Variants in SRPRA observed in about 807,000 individuals in gnomAD.
SRPRA encodes the protein SRP receptor subunit alpha.
SRPRA carries 30 observed loss-of-function variants against 61.1 expected under a neutral mutation model. That is an observed-to-expected ratio of 0.49 (90% CI 0.37 to 0.67). SRPRA has a LOEUF of 0.67. Ranked by LOEUF, SRPRA falls within the 30% of genes least tolerant of loss-of-function variation. SRPRA has a pLI of 0.00. For synonymous variants in SRPRA, 324 were observed against 299.7 expected (o/e 1.08, Z -0.84); for missense variants, 759 against 828.4 (o/e 0.92, Z 1.03).
Position 126,263,765 on chromosome 11 carries a change from G to T in SRPRA, c.*151C>A. 9.3e-7 allele frequency: 1 copy of T among 1,080,348 alleles called. No homozygotes were observed. The highest frequency in any genetic ancestry group is 1.3e-6 in the Non-Finnish European group (1 of 750,890). The allele number at this position is 1,080,348 out of a possible 1,614,324, so 66.9% of individuals were successfully genotyped here. ...CTTGCAGATGGCGGCTGTGCTGAAC[G>T]GGGAGTGGGGTTGGAAGGAGCCACA... On this transcript the variant is annotated 3_prime_UTR_variant, in exon 14 of 14. Coordinates refer to ENST00000332118, the MANE Select transcript of SRPRA (RefSeq NM_003139.4).
chr11:126,264,943 T>C lies in SRPRA; in HGVS notation c.1525+16A>G. On this transcript the variant is annotated intron_variant, in intron 11 of 13. Transcript: ENST00000332118. This position sits in a 1 kb window ranked among gnomAD's most constrained non-coding sequence, Gnocchi z 5.0. Reference sequence around the variant, plus strand: ...AGGGACCCCAAATAAGCCCCCACACTTCCCATGCACTGTACCAAAAGCAAT... The same window carrying C: ...AGGGACCCCAAATAAGCCCCCACACCTCCCATGCACTGTACCAAAAGCAAT... 3 of 1,605,584 alleles carry C rather than the reference T, an allele frequency of 1.9e-6. No homozygotes were observed. Among genetic ancestry groups the C allele is most frequent in the Non-Finnish European group, 2.6e-6 (3 of 1,176,032 alleles).
At chr11:126,244,714 G>A in the SRPRA span, among the ~76,000 whole-genome samples, 2 of 152,156 alleles carry the variant, frequency 1.3e-5, no homozygotes, top group African/African-American at 4.8e-5. This position sits in a 1 kb window ranked among gnomAD's most constrained non-coding sequence, Gnocchi z 4.5. Flanking sequence ...GGAGGCAGGA[G>A]AATCACTTGA....
downstream of SRPRA, chr11:126,262,096 GTTCTCTT>G: frequency 6.2e-7 from 1 of 1,613,768 alleles, no homozygotes; most frequent in Middle Eastern, 1.7e-4. Flanking sequence ...ACTTCATTTT[GTTCTCTT>G]TTCTTTCTCC....
chr11:126,236,274 G>C, the SRPRA span, among the ~76,000 whole-genome samples: 1 of 152,154 alleles, frequency 6.6e-6, no homozygotes, highest in African/African-American at 2.4e-5. Context: ...GGACCCATAG[G>C]AGAAAATTAT....
At chr11:126,244,001 A>G in the SRPRA span, among the ~76,000 whole-genome samples, 1 of 152,322 alleles carries the variant, frequency 6.6e-6, no homozygotes, top group African/African-American at 2.4e-5. The surrounding 1 kb of genome is among the most constrained non-coding windows in gnomAD (Gnocchi z 4.5). Flanking sequence ...CAGAAAAAAC[A>G]TGTTAGCAAA....
downstream of SRPRA, among the ~76,000 whole-genome samples, chr11:126,259,099 G>C (rs1950628658): frequency 6.6e-6 from 1 of 152,214 alleles, no homozygotes; most frequent in South Asian, 2.1e-4. Context: ...TTTGTCATGT[G>C]AAATGTAGTA....
Position 126,267,449 on chromosome 11 carries a change from G to C in SRPRA, c.365+100C>G. On this transcript the variant is annotated intron_variant, in intron 3 of 13. Coordinates refer to ENST00000332118, the MANE Select transcript of SRPRA (RefSeq NM_003139.4). The surrounding 1 kb of genome is among the most constrained non-coding windows in gnomAD (Gnocchi z 4.2). ...CAATGAGAACTGGGTAGCAAATTAGGAATGTCTTTGAACACATCAATTTAC... is the reference window on the plus strand; with the variant it reads ...CAATGAGAACTGGGTAGCAAATTAGCAATGTCTTTGAACACATCAATTTAC... The C allele has an allele frequency of 1.3e-6, 2 of 1,581,270 alleles. No homozygotes were observed. Among genetic ancestry groups the C allele is most frequent in the South Asian group, 2.3e-5 (2 of 87,144 alleles).
chr11:126,262,154 C>A, downstream of SRPRA: 1 of 1,613,410 alleles, frequency 6.2e-7, no homozygotes, highest in Middle Eastern at 1.7e-4. Context: ...GAAATCACCA[C>A]CGTTTAGACC....
At chr11:126,247,832 T>G in the SRPRA span, among the ~76,000 whole-genome samples, 1 of 148,446 alleles carries the variant, frequency 6.7e-6, no homozygotes, top group African/African-American at 2.5e-5. Context: ...CACTCCAGCC[T>G]GGGTGACAGA....
the SRPRA span, chr11:126,256,794 C>A: frequency 1.2e-6 from 2 of 1,612,226 alleles, no homozygotes; most frequent in East Asian, 4.5e-5. This position sits in a 1 kb window ranked among gnomAD's most constrained non-coding sequence, Gnocchi z 6.6. Context: ...ATGACTATGC[C>A]GATCTTCCAG....
At chr11:126,247,879 A>C in the SRPRA span, among the ~76,000 whole-genome samples, 3 of 145,374 alleles carry the variant, frequency 2.1e-5, no homozygotes, top group Admixed American at 1.4e-4. Flanking sequence ...ATATATATAT[A>C]TCTATATATA....
chr11:126,241,871 A>C, the SRPRA span, among the ~76,000 whole-genome samples: 1 of 151,582 alleles, frequency 6.6e-6, no homozygotes, highest in African/African-American at 2.4e-5. Flanking sequence ...CTTAAAAATC[A>C]GGCTTCTAGG....
the SRPRA span, chr11:126,256,948 G>A: frequency 7.6e-7 from 1 of 1,310,474 alleles, no homozygotes. This position sits in a 1 kb window ranked among gnomAD's most constrained non-coding sequence, Gnocchi z 6.6. Flanking sequence ...TTGCCAAGAT[G>A]AGGAATGTAA....
In SRPRA at chr11:126,263,792, G is replaced by GC; in HGVS notation, c.*123dup. 1.5e-6 allele frequency: 2 copies of GC among 1,361,686 alleles called. No individual in the cohort carries two copies. The highest frequency in any genetic ancestry group is 2.8e-5 in the South Asian group (2 of 71,388). 84.4% of individuals were successfully genotyped at this position (1,361,686 alleles called of 1,614,324 possible). ...GGAGTGGGGTTGGAAGGAGCCACAA[G>GC]CCCCCTCACTCTGCCTTTGTACTAC... On this transcript the variant is annotated 3_prime_UTR_variant, in exon 14 of 14. Transcript: ENST00000332118.
At chr11:126,267,000 T>A (rs1422710418) in intron 4 of SRPRA, 78 bp from the exon 5 acceptor site, 5 of 1,553,510 alleles carry the variant, frequency 3.2e-6, no homozygotes, top group Non-Finnish European at 4.3e-6. Context: ...TCTTCCAAAT[T>A]GTTCAAAGGA....
At chr11:126,257,833 A>G in the SRPRA span, among the ~76,000 whole-genome samples, 1 of 152,226 alleles carries the variant, frequency 6.6e-6, no homozygotes, top group Non-Finnish European at 1.5e-5. Flanking sequence ...TACACTTGAT[A>G]TTTTACCTCC....
intron 1 of SRPRA, 62 bp from the exon 2 acceptor site, chr11:126,268,148 G>C (rs1356527207): frequency 6.8e-7 from 1 of 1,475,850 alleles, no homozygotes; most frequent in Non-Finnish European, 9.5e-7. Context: ...TTGGGCCCTG[G>C]GTTTGGATAA....
In SRPRA at chr11:126,263,080, C is replaced by T. The variant is rs1565344278; in HGVS notation, c.*836G>A. 1 of 152,630 alleles carries T rather than the reference C, an allele frequency of 6.6e-6. No homozygotes were observed. Among genetic ancestry groups the T allele is most frequent in the African/African-American group, 2.4e-5 (1 of 41,452 alleles). The allele number at this position is 152,630 out of a possible 1,614,324, so 9.5% of individuals were successfully genotyped here. A position where few individuals can be genotyped will look rare whatever the true frequency, so the allele number is the denominator to read the frequency against. On this transcript the variant is annotated 3_prime_UTR_variant, in exon 14 of 14. Transcript: ENST00000332118. ...GAGGTTTGTGTTCTTCAATGTAGCA[C>T]TTGTCTACCAGGCACTGTAGAGGGG...
At chr11:126,247,888 T>G in the SRPRA span, among the ~76,000 whole-genome samples, 1 of 145,894 alleles carries the variant, frequency 6.9e-6, no homozygotes, top group African/African-American at 2.5e-5. Context: ...TATCTATATA[T>G]ATATATAGAT....
Sources: gnomAD v4.1 joint callset for allele counts (sites outside exome capture counted in the v4.1 genomes callset) on GRCh38, gnomAD v4.1.1 for gene constraint, Gnocchi (gnomAD v3.1) non-coding constraint, MANE v1.5 for transcripts, NCBI Gene and HGNC (gene_info 2026-07-23, HGNC 2026-07-21) for gene names.